KIAA1549L: variants seen among roughly 807,000 people sequenced by gnomAD.
KIAA1549L encodes KIAA1549 like.
A neutral mutation model predicts 160.7 loss-of-function variants in KIAA1549L; 88 were observed. That is an observed-to-expected ratio of 0.55 (90% CI 0.46 to 0.65). KIAA1549L has a LOEUF of 0.65. Ranked by LOEUF, KIAA1549L falls within the 30% of genes least tolerant of loss-of-function variation. KIAA1549L has a pLI of 0.00. For missense variants in KIAA1549L, 2,258 were observed against 2,437.5 expected, an observed-to-expected ratio of 0.93 and a Z score of 1.55; for synonymous variants, 950 against 976.7, an observed-to-expected ratio of 0.97 and a Z score of 0.51.
intron 1 of KIAA1549L, among the ~76,000 whole-genome samples, chr11:33,531,858 G>A (rs927638236): frequency 2.6e-5 from 4 of 152,176 alleles, no homozygotes; most frequent in African/African-American, 9.7e-5. Context: ...TTCTGGGAAC[G>A]GAAGCCTGAC....
intron 16 of KIAA1549L, among the ~76,000 whole-genome samples, chr11:33,642,452 T>A (rs1166617488): frequency 6.6e-6 from 1 of 152,138 alleles, no homozygotes; most frequent in Admixed American, 6.5e-5. Flanking sequence ...GAGCGCACAC[T>A]TGGATAAGGG....
chr11:33,662,996 C>G (rs1279494894), intron 20 of KIAA1549L, among the ~76,000 whole-genome samples: 3 of 152,134 alleles, frequency 2.0e-5, no homozygotes, highest in Non-Finnish European at 4.4e-5. Context: ...TTTCCTGGAG[C>G]CCAACTATCA....
In KIAA1549L at chr11:33,530,429, AAAAAAAAATATATATATATATAT is replaced by A. The variant is rs1275832034; in HGVS notation, c.239-11371_239-11349del. Among the ~76,000 whole-genome samples, 38 of 19,136 alleles carry A rather than the reference AAAAAAAAATATATATATATATAT, an allele frequency of 2.0e-3. 2 individuals are homozygous for A. The highest frequency in any genetic ancestry group is 5.6e-3 in the African/African-American group (36 of 6,474). 12.6% of individuals were successfully genotyped at this position (19,136 alleles called of 152,430 possible). On this transcript the variant is annotated intron_variant, in intron 1 of 20. Coordinates refer to ENST00000658780, the MANE Select transcript of KIAA1549L (RefSeq NM_012194.3). ...GAAGAAGAAGGAAAAAAAAAAAAAA[AAAAAAAAATATATATATATATAT>A]ATATATATATATATATATATATATA...
chr11:33,520,037 G>A (rs1050021103), intron 1 of KIAA1549L, among the ~76,000 whole-genome samples: 1 of 151,490 alleles, frequency 6.6e-6, no homozygotes, highest in African/African-American at 2.4e-5. Flanking sequence ...TTTGGAAATA[G>A]GTATACCATG....
chr11:33,405,923 T>TTAGAAGAGGAAGG (rs1359754301), intron 1 of KIAA1549L, among the ~76,000 whole-genome samples: 3 of 151,732 alleles, frequency 2.0e-5, no homozygotes, highest in Non-Finnish European at 4.4e-5. Flanking sequence ...ATCCCCATTT[T>TTAGAAGAGGAAGG]TAGAAGAGGA....
At chr11:33,496,241 G>A (rs1161355883) in intron 1 of KIAA1549L, among the ~76,000 whole-genome samples, 1 of 152,198 alleles carries the variant, frequency 6.6e-6, no homozygotes, top group Non-Finnish European at 1.5e-5. Context: ...TGGATGACAG[G>A]TGTGAGCCAC....
intron 1 of KIAA1549L, among the ~76,000 whole-genome samples, chr11:33,502,977 A>G (rs1852986624): frequency 6.6e-6 from 1 of 152,248 alleles, no homozygotes; most frequent in Non-Finnish European, 1.5e-5. Context: ...TATATGAAGT[A>G]TAACATACGT....
intron 6 of KIAA1549L, among the ~76,000 whole-genome samples, chr11:33,552,494 T>C (rs1854495816): frequency 6.6e-6 from 1 of 152,180 alleles, no homozygotes; most frequent in Non-Finnish European, 1.5e-5. Context: ...ATACATTTAT[T>C]ATTTTGAAAA....
intron 15 of KIAA1549L, among the ~76,000 whole-genome samples, chr11:33,614,539 T>TCC (rs1564924588): frequency 0.01 from 48 of 4,620 alleles, no homozygotes; most frequent in South Asian, 0.018. Context: ...AAGATATATA[T>TCC]ATATATATAT....
chr11:33,583,268 G>A (rs946828485), intron 10 of KIAA1549L, 70 bp from the exon 11 acceptor site: 48 of 1,432,184 alleles, frequency 3.4e-5, no homozygotes, highest in Non-Finnish European at 4.6e-5. Context: ...GGGGTGGGGG[G>A]TTATGTCTGG....
chr11:33,582,419 A>G (rs763491172), intron 10 of KIAA1549L, among the ~76,000 whole-genome samples: 5 of 152,214 alleles, frequency 3.3e-5, no homozygotes, highest in Admixed American at 1.3e-4. Flanking sequence ...GTAGCCCCCA[A>G]GTTCAGCAGG....
At chr11:33,638,420 AAT>A (rs1491103227) in intron 16 of KIAA1549L, among the ~76,000 whole-genome samples, 20 of 13,360 alleles carry the variant, frequency 1.5e-3, no homozygotes, top group Non-Finnish European at 2.3e-3. Context: ...CTCTAAAATA[AAT>A]AAAAAAAAAA....
chr11:33,423,356 A>G (rs1323879940), intron 1 of KIAA1549L, among the ~76,000 whole-genome samples: 1 of 152,218 alleles, frequency 6.6e-6, no homozygotes, highest in Non-Finnish European at 1.5e-5. Flanking sequence ...TTTATATTTT[A>G]TGAAAAGTTG....
At chr11:33,397,690 C>T (rs1168786272) in intron 1 of KIAA1549L, among the ~76,000 whole-genome samples, 8 of 146,710 alleles carry the variant, frequency 5.5e-5, no homozygotes, top group East Asian at 2.1e-4. Flanking sequence ...CCAGCCTGGG[C>T]GACAGAGCGA....
rs1016144839 is a variant in KIAA1549L, at chr11:33,450,581, A to G, written c.238+73692A>G. On this transcript the variant is annotated intron_variant, in intron 1 of 20. Coordinates refer to ENST00000658780, the MANE Select transcript of KIAA1549L (RefSeq NM_012194.3). Reference sequence around the variant, plus strand: ...TGTCTCTTAAACAACAACAACAACAACAACAACAAAAAAGAAAACTGCTCT... The same window carrying G: ...TGTCTCTTAAACAACAACAACAACAGCAACAACAAAAAAGAAAACTGCTCT... 2.5e-5 allele frequency: 3 copies of G among 118,606 alleles called. No homozygotes were observed. In the East Asian group the frequency reaches 7.2e-4, roughly 29 times the overall value. The allele number at this position is 118,606 out of a possible 1,614,324, so 7.3% of individuals were successfully genotyped here. A position where few individuals can be genotyped will look rare whatever the true frequency, so the allele number is the denominator to read the frequency against.
intron 1 of KIAA1549L, among the ~76,000 whole-genome samples, chr11:33,443,521 A>G (rs1851550842): frequency 6.6e-6 from 1 of 152,172 alleles, no homozygotes; most frequent in African/African-American, 2.4e-5. Flanking sequence ...ACTAGTGTGA[A>G]TCTGGTCCTA....
At position 33,633,523 on chromosome 11, in the gene KIAA1549L, G is replaced by A. The variant is rs35387396; in HGVS notation, c.5410-12163G>A. Among the ~76,000 whole-genome samples the A allele has an allele frequency of 1.8e-3, 270 of 152,258 alleles. 1 individual carries two copies. The highest frequency in any genetic ancestry group is 6.1e-3 in the African/African-American group (252 of 41,548). On this transcript the variant is annotated intron_variant, in intron 16 of 20. Coordinates refer to ENST00000658780, the MANE Select transcript of KIAA1549L (RefSeq NM_012194.3). Reference sequence around the variant, plus strand: ...AGTGGATGGCGGGGAGAGCCTGTTTGTGATGGAATAGTGCTAACTCACGGG... The same window carrying A: ...AGTGGATGGCGGGGAGAGCCTGTTTATGATGGAATAGTGCTAACTCACGGG...
intron 17 of KIAA1549L, among the ~76,000 whole-genome samples, chr11:33,650,737 C>T (rs1851860529): frequency 6.6e-6 from 1 of 152,166 alleles, no homozygotes; most frequent in Non-Finnish European, 1.5e-5. Context: ...CTTGCTCAAG[C>T]ACACGTGCAC....
chr11:33,592,569 T>C (rs903477509), intron 12 of KIAA1549L, among the ~76,000 whole-genome samples: 6 of 152,226 alleles, frequency 3.9e-5, no homozygotes, highest in Admixed American at 3.9e-4. Context: ...TGTGTATTGA[T>C]CATTTGCTGT....
Sources: gnomAD v4.1 joint callset for allele counts (sites outside exome capture counted in the v4.1 genomes callset) on GRCh38, gnomAD v4.1.1 for gene constraint, MANE v1.5 for transcripts, NCBI Gene and HGNC (gene_info 2026-07-23, HGNC 2026-07-21) for gene names.